REDIC1: variants seen among roughly 807,000 people sequenced by gnomAD.
REDIC1 encodes the protein HEI10 Interacting Protein 1.
chr12:39,867,257 T>A, the REDIC1 span, among the ~76,000 whole-genome samples: 2 of 152,138 alleles, frequency 1.3e-5, no homozygotes, highest in Non-Finnish European at 2.9e-5. Flanking sequence ...TATTAAGATG[T>A]GAAGGAAAGA....
At chr12:39,849,303 C>A in the REDIC1 span, among the ~76,000 whole-genome samples, 48 of 152,232 alleles carry the variant, frequency 3.2e-4, no homozygotes, top group African/African-American at 1.1e-3. Context: ...GTGAATGCAG[C>A]ATTTAGCGAG....
the REDIC1 span, among the ~76,000 whole-genome samples, chr12:39,745,034 G>C: frequency 1.3e-5 from 2 of 152,166 alleles, no homozygotes; most frequent in African/African-American, 4.8e-5. Flanking sequence ...AGCTGAACTA[G>C]CTATATTAAT....
At chr12:39,815,791 A>C in the REDIC1 span, among the ~76,000 whole-genome samples, 2 of 152,208 alleles carry the variant, frequency 1.3e-5, no homozygotes, top group South Asian at 4.1e-4. Context: ...GGAAAAAACA[A>C]ATAAATGTTG....
the REDIC1 span, among the ~76,000 whole-genome samples, chr12:39,698,644 T>A: frequency 0.015 from 2,347 of 152,300 alleles, 56 homozygotes; most frequent in African/African-American, 0.051. Context: ...ATATCAAATA[T>A]CTTTTCTAAC....
At chr12:39,649,256 A>T in the REDIC1 span, among the ~76,000 whole-genome samples, 1 of 152,066 alleles carries the variant, frequency 6.6e-6, no homozygotes, top group Admixed American at 6.6e-5. Context: ...CTAGGGAAGT[A>T]TTTAATAGCG....
chr12:39,830,495 G>T, the REDIC1 span: 1 of 1,161,432 alleles, frequency 8.6e-7, no homozygotes, highest in Non-Finnish European at 1.1e-6. Flanking sequence ...ATGTAGAAGA[G>T]TCCCCATCAA....
chr12:39,633,080 A>C, the REDIC1 span, among the ~76,000 whole-genome samples: 1 of 151,742 alleles, frequency 6.6e-6, no homozygotes, highest in African/African-American at 2.4e-5. Context: ...CTTTCTTTTA[A>C]ATTTTATTAT....
the REDIC1 span, among the ~76,000 whole-genome samples, chr12:39,805,025 A>AGAGAAGCCTTCTGGAGG: frequency 6.8e-6 from 1 of 147,664 alleles, no homozygotes; most frequent in African/African-American, 2.5e-5. Flanking sequence ...CCTGCTGGAG[A>AGAGAAGCCTTCTGGAGG]GAGAAGCCTG....
chr12:39,873,780 A>G, the REDIC1 span, among the ~76,000 whole-genome samples: 1 of 152,334 alleles, frequency 6.6e-6, no homozygotes, highest in East Asian at 1.9e-4. Context: ...TTAAAATGAA[A>G]AAAAGTTCCA....
At chr12:39,737,510 T>C in the REDIC1 span, among the ~76,000 whole-genome samples, 1 of 152,222 alleles carries the variant, frequency 6.6e-6, no homozygotes, top group Non-Finnish European at 1.5e-5. Context: ...TCAGTAATCA[T>C]TTATTGATTT....
chr12:39,742,650 T>C, the REDIC1 span, among the ~76,000 whole-genome samples: 2 of 152,124 alleles, frequency 1.3e-5, no homozygotes, highest in African/African-American at 2.4e-5. Flanking sequence ...TTAAATCACG[T>C]AAAAAAGTGT....
At chr12:39,856,414 G>A in the REDIC1 span, among the ~76,000 whole-genome samples, 7 of 152,142 alleles carry the variant, frequency 4.6e-5, no homozygotes, top group African/African-American at 1.7e-4. Context: ...CTGTCGCCAG[G>A]CTGGTGTGCA....
chr12:39,861,881 AATTTT>A, the REDIC1 span, among the ~76,000 whole-genome samples: 1 of 152,006 alleles, frequency 6.6e-6, no homozygotes, highest in African/African-American at 2.4e-5. Context: ...TTTTAAATTT[AATTTT>A]AAGTTCCAGG....
At chr12:39,844,995 T>A in the REDIC1 span, among the ~76,000 whole-genome samples, 8 of 151,862 alleles carry the variant, frequency 5.3e-5, no homozygotes, top group Non-Finnish European at 1.2e-4. Flanking sequence ...AAAAGAAAAA[T>A]TAAAGTGACC....
chr12:39,716,628 G>T, the REDIC1 span: 1 of 602,854 alleles, frequency 1.7e-6, no homozygotes, highest in Non-Finnish European at 2.8e-6. Context: ...AACTAATTTT[G>T]GTACATTTTA....
chr12:39,834,275 C>CA, the REDIC1 span, among the ~76,000 whole-genome samples: 7 of 152,074 alleles, frequency 4.6e-5, no homozygotes, highest in East Asian at 1.2e-3. Flanking sequence ...ATCTTCTCAG[C>CA]AAAAAACTGA....
the REDIC1 span, among the ~76,000 whole-genome samples, chr12:39,820,736 T>A: frequency 1.9e-4 from 1 of 5,394 alleles, no homozygotes; most frequent in Non-Finnish European, 3.0e-4. Flanking sequence ...TATATATATA[T>A]ATATATATAT....
chr12:39,685,736 A>C, the REDIC1 span, among the ~76,000 whole-genome samples: 1 of 152,216 alleles, frequency 6.6e-6, no homozygotes, highest in Non-Finnish European at 1.5e-5. Context: ...TTAACTCAAA[A>C]GTTCAAAGTT....
the REDIC1 span, among the ~76,000 whole-genome samples, chr12:39,786,749 G>A: frequency 1.3e-5 from 2 of 152,138 alleles, no homozygotes; most frequent in African/African-American, 4.8e-5. Flanking sequence ...ATCATTCTCT[G>A]TACTATCTTT....
Sources: gnomAD v4.1 joint callset for allele counts (sites outside exome capture counted in the v4.1 genomes callset) on GRCh38, gnomAD v4.1.1 for gene constraint, MANE v1.5 for transcripts, NCBI Gene and HGNC (gene_info 2026-07-23, HGNC 2026-07-21) for gene names.